Variants in LARP1B observed in about 807,000 individuals in gnomAD.
LARP1B encodes La ribonucleoprotein 1B.
Under a neutral mutation model 114.2 loss-of-function variants are expected in LARP1B, and 76 were observed. The ratio of observed to expected loss-of-function variants is 0.67; its 90% confidence interval spans 0.55 to 0.81. The LOEUF (loss-of-function observed/expected upper bound fraction) is 0.81, where lower values mean the gene tolerates loss of function less well. Among genes scored for constraint, LARP1B ranks in the 30% least tolerant of loss-of-function variants. LARP1B has a pLI of 0.00. For missense variants in LARP1B, 1,014 were observed against 1,075.8 expected, an observed-to-expected ratio of 0.94 and a Z score of 0.80; for synonymous variants, 345 against 348.0, an observed-to-expected ratio of 0.99 and a Z score of 0.10.
At chr4:128,076,725 C>T (rs991593271) in intron 3 of LARP1B, among the ~76,000 whole-genome samples, 4 of 152,198 alleles carry the variant, frequency 2.6e-5, no homozygotes, top group African/African-American at 9.6e-5. Context: ...CACTCACTCT[C>T]TTTTTTGTGT....
At chr4:128,176,362 C>T (rs545884587) in intron 12 of LARP1B, among the ~76,000 whole-genome samples, 3 of 150,134 alleles carry the variant, frequency 2.0e-5, no homozygotes, top group East Asian at 3.9e-4. Flanking sequence ...GGCATGATCT[C>T]GGCTCACTGC....
intron 5 of LARP1B, among the ~76,000 whole-genome samples, chr4:128,083,604 G>A (rs1430315469): frequency 6.8e-6 from 1 of 147,534 alleles, no homozygotes; most frequent in Non-Finnish European, 1.5e-5. Context: ...CAGACGGGGC[G>A]GCTGGCCGGG....
intron 11 of LARP1B, among the ~76,000 whole-genome samples, chr4:128,129,028 G>A (rs576150505): frequency 7.2e-5 from 11 of 151,884 alleles, no homozygotes; most frequent in Non-Finnish European, 5.9e-5. Flanking sequence ...AGCCAGGCGT[G>A]ATGGTGGGCG....
intron 11 of LARP1B, among the ~76,000 whole-genome samples, chr4:128,126,586 T>C (rs1397772388): frequency 6.6e-6 from 1 of 152,120 alleles, no homozygotes; most frequent in African/African-American, 2.4e-5. Flanking sequence ...ACCAAATCAA[T>C]TGAAGGGATT....
At chr4:128,181,180 C>CTTTTTTTTTTTT (rs70966086) in intron 15 of LARP1B, among the ~76,000 whole-genome samples, 5 of 130,002 alleles carry the variant, frequency 3.8e-5, no homozygotes, top group Non-Finnish European at 6.7e-5. Context: ...CTCATCCATT[C>CTTTTTTTTTTTT]TTTTTTTTTT....
chr4:128,076,092 C>T (rs1285844833), intron 3 of LARP1B, among the ~76,000 whole-genome samples: 1 of 152,150 alleles, frequency 6.6e-6, no homozygotes, highest in Non-Finnish European at 1.5e-5. Context: ...CAGCTCACTG[C>T]AACCTCCGCC....
chr4:128,184,871 A>G (rs1291370564), intron 15 of LARP1B, among the ~76,000 whole-genome samples: 1 of 152,138 alleles, frequency 6.6e-6, no homozygotes, highest in Non-Finnish European at 1.5e-5. Flanking sequence ...ATTTCATATA[A>G]TATAATGACT....
chr4:128,090,232 C>G (rs1775403611), intron 5 of LARP1B, among the ~76,000 whole-genome samples: 1 of 151,878 alleles, frequency 6.6e-6, no homozygotes, highest in Non-Finnish European at 1.5e-5. Flanking sequence ...GCTATGGCAC[C>G]CGGATAATTT....
chr4:128,143,411 A>G (rs949479528), intron 11 of LARP1B, among the ~76,000 whole-genome samples: 1 of 152,250 alleles, frequency 6.6e-6, no homozygotes. Flanking sequence ...TCATTCATTA[A>G]CATATATTTG....
At chr4:128,159,016 T>A (rs1241377352) in intron 11 of LARP1B, among the ~76,000 whole-genome samples, 2 of 116,842 alleles carry the variant, frequency 1.7e-5, no homozygotes, top group African/African-American at 4.1e-5. Context: ...AAAAAAAAAA[T>A]TAAAAAAAAA....
At chr4:128,073,418 CAAAAAAAAAAAAA>C (rs776553862) in intron 1 of LARP1B, among the ~76,000 whole-genome samples, 2 of 42,910 alleles carry the variant, frequency 4.7e-5, no homozygotes, top group South Asian at 1.7e-3. Context: ...GATTCCGTCT[CAAAAAAAAAAAAA>C]AAAAAAAAAA....
At chr4:128,134,340 A>T (rs1792573520) in intron 11 of LARP1B, among the ~76,000 whole-genome samples, 1 of 152,136 alleles carries the variant, frequency 6.6e-6, no homozygotes, top group Non-Finnish European at 1.5e-5. Context: ...AAGACCACTC[A>T]ATGGAGAAAG....
intron 3 of LARP1B, among the ~76,000 whole-genome samples, chr4:128,075,415 A>G (rs1767419450): frequency 6.6e-6 from 1 of 152,278 alleles, no homozygotes; most frequent in Non-Finnish European, 1.5e-5. Context: ...TTGATTCATC[A>G]AGAAGATTAC....
upstream of LARP1B, among the ~76,000 whole-genome samples, chr4:128,061,018 G>C (rs1318854070): frequency 1.3e-5 from 2 of 151,904 alleles, no homozygotes; most frequent in African/African-American, 2.4e-5. Context: ...GGCAGGCCGC[G>C]AGCCAGCCGC....
rs200156076 is a variant in LARP1B at position 128,083,174 on chromosome 4, A to T, written c.358+869A>T. On this transcript the variant is annotated intron_variant, in intron 5 of 19. Transcript: ENST00000326639. ...ACAGGATCCCAAGGCAGAAGAATTT[A>T]TCTTAGTACAGAACAAAATGAAAAG... Among the ~76,000 whole-genome samples, 20 of 152,276 alleles carry T rather than the reference A, an allele frequency of 1.3e-4. No individual in the cohort carries two copies. The East Asian group carries it at 3.7e-3, about 28-fold the overall frequency.
chr4:128,196,487 C>A (rs1754168873), intron 15 of LARP1B, among the ~76,000 whole-genome samples: 1 of 151,398 alleles, frequency 6.6e-6, no homozygotes, highest in Non-Finnish European at 1.5e-5. Flanking sequence ...CCACTGCACT[C>A]CAGTCTGGGC....
At chr4:128,061,964 C>G (rs1760274452) in intron 1 of LARP1B, 1 of 985,058 alleles carries the variant, frequency 1.0e-6, no homozygotes, top group Non-Finnish European at 1.2e-6. Context: ...GCACCTGGCG[C>G]ACAAGGCGCG....
At chr4:128,071,286 T>C (rs1374464153) in intron 1 of LARP1B, among the ~76,000 whole-genome samples, 1 of 152,098 alleles carries the variant, frequency 6.6e-6, no homozygotes, top group Non-Finnish European at 1.5e-5. Flanking sequence ...GACCTCGTGA[T>C]CCGCCACCTC....
At chr4:128,179,379 T>C (rs997244926) in intron 14 of LARP1B, 27 bp from the exon 15 acceptor site, 3 of 1,444,438 alleles carry the variant, frequency 2.1e-6, no homozygotes. Flanking sequence ...TGAAACTAAT[T>C]GCAATGCTTG....
Sources: allele counts gnomAD v4.1 joint callset (sites outside exome capture counted in the v4.1 genomes callset), GRCh38; gene constraint gnomAD v4.1.1; transcripts MANE v1.5; gene names NCBI Gene and HGNC (gene_info 2026-07-23, HGNC 2026-07-21).